PTPRD: variants seen among roughly 807,000 people sequenced by gnomAD.
PTPRD encodes the protein protein tyrosine phosphatase receptor type D, also known as receptor-type tyrosine-protein phosphatase delta.
In PTPRD, 34 loss-of-function variants were observed where a neutral mutation model predicts 214.5. That is an observed-to-expected ratio of 0.16 (90% confidence interval 0.12 to 0.21). The LOEUF is 0.21. Ranked by LOEUF, PTPRD falls within the 10% of genes least tolerant of loss-of-function variation. PTPRD has a pLI of 1.00. For synonymous variants in PTPRD, 1,128 were observed against 845.7 expected (o/e 1.33, Z -5.79); for missense variants, 2,545 against 2,398.7 (o/e 1.06, Z -1.27).
At chr9:8,802,572 T>A (rs1165206272) in intron 11 of PTPRD, among the ~76,000 whole-genome samples, 2 of 152,230 alleles carry the variant, frequency 1.3e-5, no homozygotes, top group Admixed American at 6.5e-5. Context: ...TCACTCAGCC[T>A]GCAGGAAGTT....
At chr9:9,321,752 T>C (rs1397488586) in intron 9 of PTPRD, among the ~76,000 whole-genome samples, 3 of 152,208 alleles carry the variant, frequency 2.0e-5, no homozygotes, top group Non-Finnish European at 2.9e-5. Flanking sequence ...TCTTGATTTC[T>C]ACATTTGTAG....
At chr9:8,610,318 A>C (rs533788929) in intron 14 of PTPRD, among the ~76,000 whole-genome samples, 1 of 152,186 alleles carries the variant, frequency 6.6e-6, no homozygotes, top group Non-Finnish European at 1.5e-5. Context: ...TAAATACTCA[A>C]TAAATGGTGG....
intron 9 of PTPRD, among the ~76,000 whole-genome samples, chr9:9,354,780 T>A (rs2053058628): frequency 6.6e-6 from 1 of 151,712 alleles, no homozygotes; most frequent in African/African-American, 2.4e-5. Context: ...CATGGGTGCT[T>A]CTCATTGAGA....
chr9:9,844,764 C>A (rs2059097756), intron 5 of PTPRD, among the ~76,000 whole-genome samples: 1 of 151,432 alleles, frequency 6.6e-6, no homozygotes, highest in Non-Finnish European at 1.5e-5. Context: ...GCAGAAAAAT[C>A]CAGGAGTTTT....
chr9:9,394,917 A>G (rs1297182871), intron 9 of PTPRD, among the ~76,000 whole-genome samples: 1 of 152,116 alleles, frequency 6.6e-6, no homozygotes, highest in East Asian at 1.9e-4. Context: ...TCATGTTTGC[A>G]TAGTCAGCTT....
intron 3 of PTPRD, among the ~76,000 whole-genome samples, chr9:10,141,705 C>A (rs376382220): frequency 6.6e-6 from 1 of 151,920 alleles, no homozygotes; most frequent in East Asian, 1.9e-4. Context: ...CAATGCCATC[C>A]CCATCAAGCT....
chr9:8,774,962 T>C (rs2095409867), intron 11 of PTPRD, among the ~76,000 whole-genome samples: 1 of 152,114 alleles, frequency 6.6e-6, no homozygotes, highest in South Asian at 2.1e-4. Context: ...AAGGAAAAAT[T>C]AAAGTCTCTA....
chr9:10,106,931 T>C (rs1031524933), intron 3 of PTPRD, among the ~76,000 whole-genome samples: 4 of 151,616 alleles, frequency 2.6e-5, no homozygotes, highest in African/African-American at 9.7e-5. Flanking sequence ...AAAATTTTAG[T>C]AGGGAGGTTG....
intron 10 of PTPRD, among the ~76,000 whole-genome samples, chr9:9,019,308 GAAA>G (rs2099551575): frequency 9.7e-6 from 1 of 103,112 alleles, no homozygotes; most frequent in African/African-American, 4.0e-5. Context: ...AAGAAAGAAA[GAAA>G]GAAAGAAAGA....
chr9:9,491,558 A>G (rs993848683), intron 8 of PTPRD, among the ~76,000 whole-genome samples: 7 of 151,914 alleles, frequency 4.6e-5, no homozygotes, highest in African/African-American at 1.7e-4. Flanking sequence ...TTAAGTCTCA[A>G]TAGGTTAGAA....
intron 2 of PTPRD, among the ~76,000 whole-genome samples, chr9:10,488,550 G>T (rs543806683): frequency 6.6e-6 from 1 of 152,116 alleles, no homozygotes; most frequent in Non-Finnish European, 1.5e-5. Flanking sequence ...AGGATGGCAA[G>T]TTCCCCTAGG....
chr9:9,521,237 T>C (rs1349320328), intron 8 of PTPRD, among the ~76,000 whole-genome samples: 2 of 152,178 alleles, frequency 1.3e-5, no homozygotes, highest in African/African-American at 4.8e-5. Flanking sequence ...CAGAAATGGA[T>C]GACTAGGTCT....
At chr9:9,987,636 G>A (rs1167214326) in intron 4 of PTPRD, among the ~76,000 whole-genome samples, 2 of 152,082 alleles carry the variant, frequency 1.3e-5, no homozygotes, top group Non-Finnish European at 2.9e-5. Context: ...TAATGCTAAA[G>A]TAATTATACC....
chr9:8,842,610 T>C (rs1265304218), intron 11 of PTPRD, among the ~76,000 whole-genome samples: 2 of 152,082 alleles, frequency 1.3e-5, no homozygotes, highest in East Asian at 1.9e-4. Flanking sequence ...CTCAGTACTG[T>C]CTCTACTACT....
intron 9 of PTPRD, among the ~76,000 whole-genome samples, chr9:9,260,816 C>A (rs2099979784): frequency 6.6e-6 from 1 of 151,846 alleles, no homozygotes; most frequent in African/African-American, 2.4e-5. Flanking sequence ...CTCTTTAGGA[C>A]AAACCGTGCA....
At chr9:9,922,817 G>C (rs558330298) in intron 5 of PTPRD, among the ~76,000 whole-genome samples, 5 of 151,958 alleles carry the variant, frequency 3.3e-5, no homozygotes, top group Admixed American at 2.6e-4. Context: ...AGAAAAGCTG[G>C]AGAGGTTTTC....
At chr9:9,006,017 T>C (rs2099463307) in intron 11 of PTPRD, among the ~76,000 whole-genome samples, 1 of 152,010 alleles carries the variant, frequency 6.6e-6, no homozygotes, top group Non-Finnish European at 1.5e-5. Flanking sequence ...TTTTAAATTT[T>C]CTTATCATAA....
At chr9:9,850,111 A>C (rs1165938751) in intron 5 of PTPRD, among the ~76,000 whole-genome samples, 1 of 152,114 alleles carries the variant, frequency 6.6e-6, no homozygotes, top group Non-Finnish European at 1.5e-5. Context: ...CCACCACCCA[A>C]ATCACTTAGA....
chr9:10,105,755 A>G (rs2098622351), intron 3 of PTPRD, among the ~76,000 whole-genome samples: 1 of 151,716 alleles, frequency 6.6e-6, no homozygotes, highest in South Asian at 2.1e-4. Flanking sequence ...AACCTGTTCT[A>G]TTTTTATTTC....
Sources: gnomAD v4.1 joint callset for allele counts (sites outside exome capture counted in the v4.1 genomes callset) on GRCh38, gnomAD v4.1.1 for gene constraint, MANE v1.5 for transcripts, NCBI Gene and HGNC (gene_info 2026-07-23, HGNC 2026-07-21) for gene names.